Variants in LIMK2 observed in about 807,000 individuals in gnomAD.
LIMK2 encodes the protein LIM domain kinase 2.
A neutral mutation model predicts 75.7 loss-of-function variants in LIMK2; 35 were observed. That is an observed-to-expected ratio of 0.46 (90% confidence interval 0.35 to 0.61). LIMK2 has a LOEUF of 0.61. Among genes scored for constraint, LIMK2 ranks in the 20% least tolerant of loss-of-function variants. The pLI, the probability that LIMK2 is intolerant of heterozygous loss-of-function variation, is 0.00. For missense variants in LIMK2, 623 were observed against 831.0 expected (o/e 0.75, Z 3.08); for synonymous variants, 301 against 319.2 (o/e 0.94, Z 0.61).
At chr22:31,238,290 C>G (rs1568988077) in intron 2 of LIMK2, among the ~76,000 whole-genome samples, 1 of 152,148 alleles carries the variant, frequency 6.6e-6, no homozygotes, top group Non-Finnish European at 1.5e-5. Context: ...GGCTGACTCA[C>G]CACTGCCAGG....
intron 2 of LIMK2, among the ~76,000 whole-genome samples, chr22:31,230,924 G>T (rs1349778711): frequency 6.6e-6 from 1 of 152,154 alleles, no homozygotes; most frequent in African/African-American, 2.4e-5. Flanking sequence ...AGTACTCTGT[G>T]CCAGACACCC....
intron 13 of LIMK2, chr22:31,272,941 G>A: frequency 7.8e-7 from 1 of 1,275,152 alleles, no homozygotes; most frequent in Non-Finnish European, 9.9e-7. Flanking sequence ...TGGCATTTGT[G>A]CCTCAGGGAT....
chr22:31,224,246 G>T (rs2048459960), intron 1 of LIMK2, among the ~76,000 whole-genome samples: 2 of 152,162 alleles, frequency 1.3e-5, no homozygotes, highest in South Asian at 4.1e-4. Context: ...CTTTTTGGAG[G>T]AACATGGACC....
intron 15 of LIMK2, chr22:31,276,795 C>T (rs780806196): frequency 5.6e-6 from 9 of 1,608,884 alleles, no homozygotes; most frequent in South Asian, 3.3e-5. Context: ...TCAGAGCCCC[C>T]CCCGGGGCCG....
At chr22:31,254,531 G>A (rs2048757809) in intron 2 of LIMK2, among the ~76,000 whole-genome samples, 1 of 152,204 alleles carries the variant, frequency 6.6e-6, no homozygotes, top group Non-Finnish European at 1.5e-5. Flanking sequence ...TCCTCAGGGA[G>A]CTAACAGTCT....
intron 14 of LIMK2, 27 bp from the exon 15 acceptor site, chr22:31,275,123 TG>T: frequency 6.2e-7 from 1 of 1,612,824 alleles, no homozygotes. Flanking sequence ...TGTAGTCCTT[TG>T]TAAACAGCTG....
intron 2 of LIMK2, among the ~76,000 whole-genome samples, chr22:31,236,156 T>C (rs539508861): frequency 1.1e-4 from 16 of 151,952 alleles, no homozygotes; most frequent in Non-Finnish European, 1.9e-4. Context: ...TAGCCAGGCA[T>C]GATGGCGGGT....
chr22:31,242,971 G>C (rs894027058), intron 2 of LIMK2, among the ~76,000 whole-genome samples: 3 of 152,194 alleles, frequency 2.0e-5, no homozygotes, highest in African/African-American at 7.2e-5. Flanking sequence ...CACCTAGGCT[G>C]GTGTGCAATG....
chr22:31,265,608 TAAATC>T (rs1229483544), intron 7 of LIMK2, among the ~76,000 whole-genome samples: 2 of 152,134 alleles, frequency 1.3e-5, no homozygotes, highest in Non-Finnish European at 2.9e-5. Flanking sequence ...AGTTAGTACT[TAAATC>T]AAGCAGATAT....
rs564729152 is a variant in LIMK2, at chr22:31,234,774, G to A, written c.116+8955G>A. On this transcript the variant is annotated intron_variant, in intron 2 of 15. Coordinates refer to ENST00000331728, the MANE Select transcript of LIMK2 (RefSeq NM_005569.4). The stretch of plus-strand genomic sequence containing the variant: ...AATTTGGCCTACAGTAGAGCCCTCC[G>A]TAATGTGGCCTCTCTCCACATCTCC... 3.5e-4 allele frequency among the ~76,000 whole-genome samples: 52 copies of A among 148,284 alleles called. 1 individual carries two copies. The East Asian group carries it at 6.5e-3, about 19-fold the overall frequency.
chr22:31,238,973 T>C (rs1314038342), intron 2 of LIMK2, among the ~76,000 whole-genome samples: 1 of 152,220 alleles, frequency 6.6e-6, no homozygotes, highest in African/African-American at 2.4e-5. Context: ...TTCTAATTAG[T>C]ATCATGGAGC....
chr22:31,272,657 ACACGGTGGT>A lies in LIMK2; in HGVS notation c.1512_1520del (p.Tyr504_Val507delinsTer). ...CGCAAGAACGACCGCAAGAAGCGCT[ACACGGTGGT>A]GGGAAACCCCTACTGGATGGCCCCT... On this transcript the variant is annotated stop_gained and inframe_deletion, in exon 13 of 16. Transcript: ENST00000331728. LOFTEE classifies it high-confidence loss of function. 1 of 1,613,496 alleles carries A rather than the reference ACACGGTGGT, an allele frequency of 6.2e-7. No individual in the cohort carries two copies. Among genetic ancestry groups the A allele is most frequent in the Non-Finnish European group, 8.5e-7 (1 of 1,179,838 alleles).
chr22:31,213,817 C>CT (rs71689139), intron 1 of LIMK2, among the ~76,000 whole-genome samples: 77,907 of 145,206 alleles, frequency 0.54, 22,003 homozygotes, highest in East Asian at 0.9. Flanking sequence ...TTTCCAGTAA[C>CT]TTTTTTTTTT....
At chr22:31,248,479 G>A (rs1601420658) in intron 2 of LIMK2, 2 of 1,516,794 alleles carry the variant, frequency 1.3e-6, no homozygotes, top group Non-Finnish European at 1.8e-6. Context: ...CTGAGCTTCT[G>A]AGAACTAGGG....
intron 15 of LIMK2, chr22:31,275,533 A>G (rs2049004801): frequency 9.6e-6 from 5 of 519,236 alleles, no homozygotes; most frequent in Non-Finnish European, 1.7e-5. Context: ...AAACACAGCC[A>G]TTAAAAGAAA....
chr22:31,244,190 C>T (rs981675027), intron 2 of LIMK2, among the ~76,000 whole-genome samples: 4 of 152,320 alleles, frequency 2.6e-5, no homozygotes, highest in East Asian at 3.9e-4. Context: ...AGCCCGTCGC[C>T]GCTGGAACAG....
At chr22:31,219,250 T>G (rs2048413469) in intron 1 of LIMK2, among the ~76,000 whole-genome samples, 1 of 152,028 alleles carries the variant, frequency 6.6e-6, no homozygotes, top group Non-Finnish European at 1.5e-5. Context: ...TTTTGGCGCC[T>G]GCCCCAGTGG....
chr22:31,248,473 G>A, intron 2 of LIMK2: 2 of 1,509,666 alleles, frequency 1.3e-6, no homozygotes, highest in Non-Finnish European at 1.8e-6. Flanking sequence ...GGCCGCCTGA[G>A]CTTCTGAGAA....
intron 2 of LIMK2, among the ~76,000 whole-genome samples, chr22:31,257,597 T>C (rs1320708418): frequency 6.6e-6 from 1 of 152,212 alleles, no homozygotes; most frequent in Admixed American, 6.5e-5. Context: ...AAAATGTTCA[T>C]GGCTGTTTCC....
Sources: allele counts gnomAD v4.1 joint callset (sites outside exome capture counted in the v4.1 genomes callset), GRCh38; gene constraint gnomAD v4.1.1; transcripts MANE v1.5; gene names NCBI Gene and HGNC (gene_info 2026-07-23, HGNC 2026-07-21).